Variants in NCOR2 observed in about 807,000 individuals in gnomAD.
NCOR2 encodes CTG repeat protein 26.
Under a neutral mutation model 262.9 loss-of-function variants are expected in NCOR2, and 81 were observed. That is an observed-to-expected ratio of 0.31 (90% CI 0.26 to 0.37). NCOR2 has a LOEUF of 0.37. Ranked by LOEUF, NCOR2 falls within the 10% of genes least tolerant of loss-of-function variation. The pLI is 1.00. For synonymous variants in NCOR2, 1,659 were observed against 1,559.3 expected (o/e 1.06, Z -1.51); for missense variants, 3,385 against 3,621.4 (o/e 0.93, Z 1.68).
At chr12:124,374,436 G>A in exon 19 of NCOR2, 1 of 1,612,976 alleles carries the variant, frequency 6.2e-7, no homozygotes, top group South Asian at 1.1e-5. Context: ...TTCCCCTCTG[G>A]GCACCTCATT....
Position 124,528,917 on chromosome 12 carries a change from C to T in NCOR2, c.-118+6648G>A, listed in dbSNP as rs1009654940. Among the ~76,000 whole-genome samples the T allele has an allele frequency of 3.3e-5, 5 of 152,318 alleles. No homozygotes were observed. In the East Asian group the frequency reaches 9.6e-4, roughly 29 times the overall value. On this transcript the variant is annotated intron_variant, in intron 1 of 46. Coordinates refer to the NCOR2 transcript ENST00000404621. ...CAACACCTCTGGGCGCGGTGGCTCA[C>T]GCCTGTAATCCCAACAGTTTGGGAG...
exon 22 of NCOR2, chr12:124,362,186 G>T: frequency 2.3e-6 from 3 of 1,311,870 alleles, no homozygotes; most frequent in Non-Finnish European, 1.9e-6. Context: ...CTGCCAGGCT[G>T]CTGAGGGGCG....
chr12:124,347,831 T>C, exon 30 of NCOR2: 1 of 1,564,288 alleles, frequency 6.4e-7, no homozygotes, highest in Non-Finnish European at 8.7e-7. Context: ...GTACCTTGTG[T>C]GATGGACCCG....
chr12:124,333,899 C>CATGTGTGCATGTGTGTGTGT (rs1292064497), intron 41 of NCOR2, among the ~76,000 whole-genome samples: 3 of 90,718 alleles, frequency 3.3e-5, no homozygotes, highest in Non-Finnish European at 7.6e-5. Context: ...TGTGTGTGCG[C>CATGTGTGCATGTGTGTGTGT]GCGCATGTGT....
intron 7 of NCOR2, among the ~76,000 whole-genome samples, chr12:124,446,230 G>A (rs1404354803): frequency 6.6e-6 from 1 of 152,176 alleles, no homozygotes; most frequent in Non-Finnish European, 1.5e-5. Context: ...GTGACAGGGT[G>A]CTCACTACCT....
At chr12:124,528,943 G>A (rs2050628338) in intron 1 of NCOR2, among the ~76,000 whole-genome samples, 1 of 152,180 alleles carries the variant, frequency 6.6e-6, no homozygotes, top group African/African-American at 2.4e-5. Context: ...AGTTTGGGAG[G>A]CCGAGGCGGG....
Position 124,483,642 on chromosome 12 carries a change from G to A in NCOR2, c.365C>T (p.Pro122Leu), listed in dbSNP as rs2047619427. The A allele has an allele frequency of 6.2e-7, 1 of 1,611,072 alleles. No homozygotes were observed. ...CGCAGGCTGGCCCGTGGCCAGCAGG[G>A]GTGACGGTCGCAGCAGGGGGTCAGG... The change falls in exon 3 of 47, where the codon CCC becomes CTC. Residue 122 changes from proline to leucine, a missense_variant. By Grantham distance (98) the Pro-to-Leu change is moderately conservative. This residue lies in a region of NCOR2 where 237 missense variants were observed against 229.4 expected (regional missense o/e 1.03). Coordinates refer to ENST00000405201, the Ensembl canonical transcript of NCOR2. The surrounding 1 kb of genome is among the most constrained non-coding windows in gnomAD (Gnocchi z 6.3).
intron 7 of NCOR2, among the ~76,000 whole-genome samples, chr12:124,444,369 G>C (rs1433190529): frequency 6.6e-6 from 1 of 151,910 alleles, no homozygotes. Flanking sequence ...CCAGGGCACT[G>C]GAGAGGAGAA....
intron 13 of NCOR2, among the ~76,000 whole-genome samples, chr12:124,406,122 A>G (rs1283331358): frequency 6.6e-6 from 1 of 152,210 alleles, no homozygotes; most frequent in Non-Finnish European, 1.5e-5. Flanking sequence ...CGTTTTCTGT[A>G]AGGGCCAGAG....
intron 44 of NCOR2, among the ~76,000 whole-genome samples, chr12:124,330,005 G>A (rs924713970): frequency 6.6e-6 from 1 of 152,174 alleles, no homozygotes; most frequent in Non-Finnish European, 1.5e-5. Context: ...TGGAGGCCTC[G>A]CTGACCCCCT....
chr12:124,347,965 G>T, intron 29 of NCOR2, 54 bp from the exon 32 acceptor site: 5 of 1,521,456 alleles, frequency 3.3e-6, no homozygotes, highest in Non-Finnish European at 4.5e-6. Flanking sequence ...CCGACACTGG[G>T]CAGTGACAGG....
At chr12:124,439,348 G>GAGAGGGAGACAGAGACCCGGAGAC (rs2044667458) in intron 7 of NCOR2, among the ~76,000 whole-genome samples, 1 of 4,344 alleles carries the variant, frequency 2.3e-4, no homozygotes, top group Non-Finnish European at 4.7e-4. Flanking sequence ...GACCCAGAGA[G>GAGAGGGAGACAGAGACCCGGAGAC]AGAGGGAGAC....
Position 124,402,384 on chromosome 12 carries a change from G to A in NCOR2, c.1640+20C>T. The A allele has an allele frequency of 6.2e-7, 1 of 1,613,310 alleles. No homozygotes were observed. On this transcript the variant is annotated intron_variant, in intron 14 of 46. Transcript: ENST00000405201. Reference sequence around the variant, plus strand: ...TTGGGTCAGCGGCCGGGCCCTGCAGGGGACAGCAGGCTGCCTTACTTGAGG... The same window carrying A: ...TTGGGTCAGCGGCCGGGCCCTGCAGAGGACAGCAGGCTGCCTTACTTGAGG...
At chr12:124,488,165 CAG>C (rs754572218) in intron 1 of NCOR2, among the ~76,000 whole-genome samples, 109 of 152,124 alleles carry the variant, frequency 7.2e-4, no homozygotes, top group Non-Finnish European at 2.5e-4. Context: ...CAAAGAGAAT[CAG>C]AGACAATGCC....
At chr12:124,466,085 GA>G in intron 5 of NCOR2, 87 bp downstream of exon 7, 1 of 1,283,722 alleles carries the variant, frequency 7.8e-7, no homozygotes. Context: ...CACATAGATG[GA>G]AACACTGAGG....
rs1485429672 is a variant in NCOR2 at position 124,373,812 on chromosome 12, C to T, written c.2218+601G>A. 5.1e-4 allele frequency among the ~76,000 whole-genome samples: 9 copies of T among 17,792 alleles called. 3 individuals are homozygous for T. Among genetic ancestry groups the T allele is most frequent in the African/African-American group, 8.0e-4 (7 of 8,754 alleles). 11.7% of individuals were successfully genotyped at this position (17,792 alleles called of 152,430 possible). ...ACGGTGGACAATCATGAGGCCAGTG[C>T]GTGTGCAGGGGCCCTGGGCACGGTG... On this transcript the variant is annotated intron_variant, in intron 19 of 46. Coordinates refer to ENST00000405201, the Ensembl canonical transcript of NCOR2.
chr12:124,325,085 C>A (rs961856698), exon 47 of NCOR2: 12 of 243,618 alleles, frequency 4.9e-5, no homozygotes, highest in Admixed American at 1.7e-4. Context: ...GCTTTGGGTC[C>A]CTGGCCGCCC....
rs868359328 is a variant in NCOR2 at position 124,438,750 on chromosome 12, G to C, written c.816-754C>G. ...AGACAGGGAAACAGAGAACCAGAGAGAGAGAGAGAGACAGAGACCCAGAGA... is the reference window on the plus strand; with the variant it reads ...AGACAGGGAAACAGAGAACCAGAGACAGAGAGAGAGACAGAGACCCAGAGA... On this transcript the variant is annotated intron_variant, in intron 7 of 46. Transcript: ENST00000405201. Among the ~76,000 whole-genome samples the C allele has an allele frequency of 7.3e-3, 1,092 of 149,422 alleles. 17 individuals are homozygous for C. The highest frequency in any genetic ancestry group is 0.024 in the African/African-American group (956 of 40,444).
chr12:124,468,087 C>T (rs576474290), intron 4 of NCOR2, among the ~76,000 whole-genome samples: 28 of 37,528 alleles, frequency 7.5e-4, no homozygotes, highest in Non-Finnish European at 1.1e-3. Flanking sequence ...TCATCCTCAT[C>T]CTTATCACCC....
Sources: gnomAD v4.1 joint callset for allele counts (sites outside exome capture counted in the v4.1 genomes callset) on GRCh38, gnomAD v4.1.1 for gene constraint, gnomAD v4.1.1 regional missense constraint, Gnocchi (gnomAD v3.1) non-coding constraint, MANE v1.5 for transcripts, NCBI Gene and HGNC (gene_info 2026-07-23, HGNC 2026-07-21) for gene names.